The following CCNT2 variants were observed in gnomAD, a reference collection of about 807,000 sequenced individuals.
CCNT2 encodes the protein cyclin-T2.
CCNT2 carries 18 observed loss-of-function variants against 70.0 expected under a neutral mutation model. The ratio of observed to expected loss-of-function variants is 0.26; its 90% CI spans 0.18 to 0.38. CCNT2 has a LOEUF of 0.38. Among genes scored for constraint, CCNT2 ranks in the 10% least tolerant of loss-of-function variants. The pLI is 1.00. For synonymous variants in CCNT2, 334 were observed against 313.3 expected (o/e 1.07, Z -0.70); for missense variants, 734 against 890.2 (o/e 0.82, Z 2.23).
At position 134,919,004 on chromosome 2, in the gene CCNT2, T is replaced by C. The variant is rs1236373803; in HGVS notation, c.150T>C (p.Arg50=). The C allele has an allele frequency of 1.2e-6, 2 of 1,610,890 alleles. No homozygotes were observed. The highest frequency in any genetic ancestry group is 1.7e-6 in the Non-Finnish European group (2 of 1,179,024). ...ACCTCATCCAGGAGATGGGACAGCG[T>C]CTCAATGTGTATCCTTTTCTGTTCG... The part of the protein sequence containing the change: ...AANLIQEMGQ[R]LNVSQLTINT... Residue 50 remains arginine (R), a synonymous_variant, in exon 1 of 9, where the codon CGT becomes CGC. Coordinates refer to ENST00000264157, the MANE Select transcript of CCNT2 (RefSeq NM_058241.3).
At chr2:134,935,982 AG>A (rs1179261526) in intron 2 of CCNT2, among the ~76,000 whole-genome samples, 1 of 151,990 alleles carries the variant, frequency 6.6e-6, no homozygotes, top group African/African-American at 2.4e-5. Context: ...TTTGCCCTCT[AG>A]GTGGTTTTTC....
intron 2 of CCNT2, among the ~76,000 whole-genome samples, chr2:134,920,678 C>T (rs1679835163): frequency 6.6e-6 from 1 of 152,158 alleles, no homozygotes; most frequent in Non-Finnish European, 1.5e-5. Flanking sequence ...TTTAACTCTG[C>T]TTTAATTCTG....
intron 1 of CCNT2, among the ~76,000 whole-genome samples, chr2:134,919,406 G>A (rs986434662): frequency 3.9e-5 from 6 of 152,292 alleles, no homozygotes; most frequent in African/African-American, 1.4e-4. Flanking sequence ...AGTGTTTGCC[G>A]CAGCCTTTCC....
Position 134,954,479 on chromosome 2 carries a change from A to C in CCNT2, c.2024A>C (p.Gln675Pro). ...PLPPPPPVTY[Q>P]VGYGHLSTLV... ...CCCCCTCCTCCCCCTGTCACATACC[A>C]GGTGGGCTACGGACATCTCAGCACC... The change falls in exon 9 of 9, where the codon CAG (glutamine) becomes CCG (proline). Residue 675 changes from glutamine (Q) to proline (P), a missense_variant. Around this residue, in one of 3 missense-constraint regions of CCNT2, gnomAD observed 532 missense variants for 556.9 expected, o/e 0.96. Coordinates refer to ENST00000264157, the MANE Select transcript of CCNT2 (RefSeq NM_058241.3). 1 of 1,614,168 alleles carries C rather than the reference A, an allele frequency of 6.2e-7. No homozygotes were observed. Among genetic ancestry groups the C allele is most frequent in the Non-Finnish European group, 8.5e-7 (1 of 1,180,024 alleles).
At chr2:134,944,798 C>T (rs936822836) in intron 5 of CCNT2, 1 of 985,220 alleles carries the variant, frequency 1.0e-6, no homozygotes, top group Non-Finnish European at 1.2e-6. Context: ...AACAGCATTT[C>T]CCCTCTATTC....
At chr2:134,934,103 A>T (rs1680982617) in intron 2 of CCNT2, among the ~76,000 whole-genome samples, 1 of 152,234 alleles carries the variant, frequency 6.6e-6, no homozygotes. Flanking sequence ...TGAGAATGTT[A>T]CATTTCCTTG....
chr2:134,935,060 TATTC>T (rs1448735335), intron 2 of CCNT2, among the ~76,000 whole-genome samples: 4 of 152,326 alleles, frequency 2.6e-5, no homozygotes, highest in East Asian at 1.9e-4. Context: ...ATATTATACA[TATTC>T]ATTCAACAAA....
chr2:134,936,907 G>C lies in CCNT2; in HGVS notation c.307G>C (p.Val103Leu), dbSNP rs778431132. The change falls in exon 3 of 9, where the codon GTT (valine) becomes CTT (leucine). Residue 103 changes from valine to leucine, a missense_variant. Val to Leu is a conservative substitution (Grantham distance 32, BLOSUM62 1). Around this residue, in one of 3 missense-constraint regions of CCNT2, gnomAD observed 161 missense variants for 303.8 expected, o/e 0.53. Coordinates refer to ENST00000264157, the MANE Select transcript of CCNT2 (RefSeq NM_058241.3). ...AGAACAGGCTCGAAAACTTGAACATGTTATCAAAGTAGCACATGCTTGTCT... is the reference window on the plus strand; with the variant it reads ...AGAACAGGCTCGAAAACTTGAACATCTTATCAAAGTAGCACATGCTTGTCT... Reference protein sequence around the residue: ...VEEQARKLEHVIKVAHACLHP... With the variant: ...VEEQARKLEHLIKVAHACLHP... 1 of 1,611,914 alleles carries C rather than the reference G, an allele frequency of 6.2e-7. No homozygotes were observed. The highest frequency in any genetic ancestry group is 8.5e-7 in the Non-Finnish European group (1 of 1,178,038).
chr2:134,929,422 G>A (rs990351223), intron 2 of CCNT2, among the ~76,000 whole-genome samples: 6 of 151,576 alleles, frequency 4.0e-5, no homozygotes, highest in Admixed American at 1.3e-4. Flanking sequence ...GCAACTTGGC[G>A]AGACCCTGTC....
rs1402264175 is a variant in CCNT2, at chr2:134,945,771, T to C, written c.494-330T>C. 50 of 1,328,618 alleles carry C rather than the reference T, an allele frequency of 3.8e-5. 1 individual carries two copies. Among genetic ancestry groups the C allele is most frequent in the South Asian group, 8.8e-5 (7 of 79,576 alleles). The allele number at this position is 1,328,618 out of a possible 1,614,324, so 82.3% of individuals were successfully genotyped here. A position where few individuals can be genotyped will look rare whatever the true frequency, so the allele number is the denominator to read the frequency against. On this transcript the variant is annotated intron_variant, in intron 5 of 8. Transcript: ENST00000264157. ...AAAATCTTTTCTTCTTCTTCTTCTT[T>C]TTTTTTTAAATCCAGGAGAATGCTT...
chr2:134,922,534 A>C (rs1031550575), intron 2 of CCNT2, among the ~76,000 whole-genome samples: 1 of 152,020 alleles, frequency 6.6e-6, no homozygotes, highest in Non-Finnish European at 1.5e-5. Context: ...GCAGTAAATG[A>C]CTTTTATATG....
At chr2:134,932,083 C>G (rs1025190801) in intron 2 of CCNT2, among the ~76,000 whole-genome samples, 8 of 152,004 alleles carry the variant, frequency 5.3e-5, no homozygotes, top group African/African-American at 1.9e-4. Flanking sequence ...CTCCCAGGTT[C>G]AAGCGATTCC....
Position 134,918,874 on chromosome 2 carries a change from C to T in CCNT2, c.20C>T (p.Ala7Val), listed in dbSNP as rs1390494620. Reference protein sequence around the residue: MASGRGASSRWFFTREQ... With the variant: MASGRGVSSRWFFTREQ... ...AGTGTCATGGCGTCGGGCCGTGGAGCTTCTTCTCGCTGGTTCTTTACTCGG... is the reference window on the plus strand; with the variant it reads ...AGTGTCATGGCGTCGGGCCGTGGAGTTTCTTCTCGCTGGTTCTTTACTCGG... Residue 7 changes from alanine (A) to valine (V), a missense_variant, in exon 1 of 9, where the codon GCT becomes GTT. Physicochemically the swap from Ala to Val is moderately conservative, Grantham distance 64. Around this residue, in one of 3 missense-constraint regions of CCNT2, gnomAD observed 41 missense variants for 29.5 expected, o/e 1.39. Coordinates refer to ENST00000264157, the MANE Select transcript of CCNT2 (RefSeq NM_058241.3). 4 of 1,613,542 alleles carry T rather than the reference C, an allele frequency of 2.5e-6. No homozygotes were observed. The highest frequency in any genetic ancestry group is 2.7e-5 in the African/African-American group (2 of 74,950).
Position 134,952,722 on chromosome 2 carries a change from T to A in CCNT2, c.774+11T>A. On this transcript the variant is annotated intron_variant, in intron 8 of 8. Transcript: ENST00000264157. ...ATTCGAAACTGGAGGGTAAGAGAAT[T>A]GACAGGGTTTAACAGAATTTCAGTC... 6.3e-7 allele frequency: 1 copy of A among 1,591,526 alleles called. No individual in the cohort carries two copies. The highest frequency in any genetic ancestry group is 8.6e-7 in the Non-Finnish European group (1 of 1,161,596).
chr2:134,918,902 A>C lies in CCNT2; in HGVS notation c.48A>C (p.Glu16Asp), dbSNP rs1044239920. The change falls in exon 1 of 9, where the codon GAA becomes GAC. Residue 16 changes from glutamate (E) to aspartate (D), a missense_variant. By Grantham distance (45) the Glu-to-Asp change is conservative. Around this residue, in one of 3 missense-constraint regions of CCNT2, gnomAD observed 41 missense variants for 29.5 expected, o/e 1.39. Coordinates refer to ENST00000264157, the MANE Select transcript of CCNT2 (RefSeq NM_058241.3). ...GASSRWFFTREQLENTPSRRC... is the reference protein window; with the variant it reads ...GASSRWFFTRDQLENTPSRRC... The stretch of plus-strand genomic sequence containing the variant: ...CTTCTCGCTGGTTCTTTACTCGGGA[A>C]CAGCTGGAGAACACGCCGAGCCGCC... The C allele has an allele frequency of 6.2e-7, 1 of 1,613,898 alleles. No homozygotes were observed. The highest frequency in any genetic ancestry group is 1.7e-5 in the Admixed American group (1 of 60,020).
chr2:134,937,719 C>G (rs1244530122), intron 3 of CCNT2, among the ~76,000 whole-genome samples: 3 of 152,060 alleles, frequency 2.0e-5, no homozygotes, highest in Non-Finnish European at 2.9e-5. Context: ...AGTTTGAGAC[C>G]AGCCTGATCA....
intron 3 of CCNT2, 45 bp from the exon 4 acceptor site, chr2:134,938,957 T>C (rs757818890): frequency 1.6e-6 from 2 of 1,217,704 alleles, no homozygotes; most frequent in Non-Finnish European, 2.4e-6. Context: ...AGTCTAGTAA[T>C]GTTATTTTTA....
chr2:134,918,899 G>T lies in CCNT2; in HGVS notation c.45G>T (p.Arg15=). The T allele has an allele frequency of 6.2e-7, 1 of 1,614,046 alleles. No individual in the cohort carries two copies. The highest frequency in any genetic ancestry group is 8.5e-7 in the Non-Finnish European group (1 of 1,179,922). The change falls in exon 1 of 9, where the codon CGG becomes CGT. Residue 15 remains arginine (R), a synonymous_variant. Transcript: ENST00000264157. The part of the protein sequence containing the change: ...RGASSRWFFT[R]EQLENTPSRR... ...CTTCTTCTCGCTGGTTCTTTACTCGGGAACAGCTGGAGAACACGCCGAGCC... is the reference window on the plus strand; with the variant it reads ...CTTCTTCTCGCTGGTTCTTTACTCGTGAACAGCTGGAGAACACGCCGAGCC...
intron 4 of CCNT2, among the ~76,000 whole-genome samples, chr2:134,939,940 G>A (rs748918460): frequency 1.3e-5 from 2 of 152,204 alleles, no homozygotes; most frequent in Admixed American, 6.5e-5. Flanking sequence ...AGTTCTGGAA[G>A]AACCTACTAG....
Sources: gnomAD v4.1 joint callset for allele counts (sites outside exome capture counted in the v4.1 genomes callset) on GRCh38, gnomAD v4.1.1 for gene constraint, gnomAD v4.1.1 regional missense constraint, MANE v1.5 for transcripts, NCBI Gene and HGNC (gene_info 2026-07-23, HGNC 2026-07-21) for gene names.